The following NFIB variants were observed in gnomAD, a reference collection of about 807,000 sequenced individuals.
NFIB encodes the protein nuclear factor I B.
In NFIB, 11 loss-of-function variants were observed where a neutral mutation model predicts 61.5. The observed-to-expected ratio is 0.18, with a 90% CI of 0.11 to 0.30. The LOEUF (loss-of-function observed/expected upper bound fraction) is 0.30, where lower values mean the gene tolerates loss of function less well. Ranked by LOEUF, NFIB falls within the 10% of genes least tolerant of loss-of-function variation. The pLI is 1.00. For missense variants in NFIB, 471 were observed against 608.9 expected, an observed-to-expected ratio of 0.77 and a Z score of 2.38; for synonymous variants, 260 against 216.5, an observed-to-expected ratio of 1.20 and a Z score of -1.76.
intron 2 of NFIB, among the ~76,000 whole-genome samples, chr9:14,181,453 C>CT (rs2046765667): frequency 6.6e-6 from 1 of 152,154 alleles, no homozygotes; most frequent in Non-Finnish European, 1.5e-5. Context: ...ATGAAGTCCT[C>CT]TTATTACTTT....
chr9:14,205,805 C>T (rs530764122), intron 2 of NFIB, among the ~76,000 whole-genome samples: 17 of 152,300 alleles, frequency 1.1e-4, no homozygotes, highest in African/African-American at 4.1e-4. Context: ...TGTCCACACA[C>T]TCAGCAGAGC....
At chr9:14,375,221 A>G (rs2061404023) in intron 1 of NFIB, among the ~76,000 whole-genome samples, 1 of 152,170 alleles carries the variant, frequency 6.6e-6, no homozygotes, top group African/African-American at 2.4e-5. Context: ...GGCTCTTTCT[A>G]TCTCTCTGCT....
chr9:14,101,697 C>T (rs1052188591), intron 10 of NFIB, among the ~76,000 whole-genome samples: 2 of 152,270 alleles, frequency 1.3e-5, no homozygotes, highest in Middle Eastern at 3.4e-3. Context: ...ATAAATAATA[C>T]ATAAGCGCAG....
the NFIB span, among the ~76,000 whole-genome samples, chr9:14,455,223 G>C: frequency 5.9e-5 from 9 of 152,210 alleles, no homozygotes; most frequent in Admixed American, 3.3e-4. Flanking sequence ...GTAAAAATCT[G>C]AGTGTGTATC....
At chr9:14,096,921 A>T (rs1156796178) in intron 10 of NFIB, among the ~76,000 whole-genome samples, 1 of 152,174 alleles carries the variant, frequency 6.6e-6, no homozygotes, top group African/African-American at 2.4e-5. Context: ...TTAATTTCTT[A>T]GGAAGTGTTC....
At position 14,162,918 on chromosome 9, in the gene NFIB, C is replaced by A. The variant is rs559939862; in HGVS notation, c.617-7025G>T. On this transcript the variant is annotated intron_variant, in intron 3 of 10. Coordinates refer to ENST00000380953, the MANE Select transcript of NFIB (RefSeq NM_001190737.2). ...TAAAATTAAATGTATGCCCTCTTAT[C>A]TTTTTAATGGATGTGGAAGGTATGC... Among the ~76,000 whole-genome samples the A allele has an allele frequency of 2.0e-4, 31 of 151,978 alleles. No homozygotes were observed. The South Asian group carries it at 6.2e-3, about 31-fold the overall frequency.
At chr9:14,406,392 C>G in the NFIB span, among the ~76,000 whole-genome samples, 1 of 152,284 alleles carries the variant, frequency 6.6e-6, no homozygotes, top group South Asian at 2.1e-4. Context: ...GGTAATTGTC[C>G]TTCTACTTAC....
chr9:14,412,926 G>T, the NFIB span, among the ~76,000 whole-genome samples: 3 of 152,066 alleles, frequency 2.0e-5, no homozygotes, highest in African/African-American at 4.8e-5. Flanking sequence ...CACTAGGAAG[G>T]GCGCCTCCAC....
chr9:14,091,368 C>T (rs2033877028), intron 10 of NFIB, among the ~76,000 whole-genome samples: 1 of 151,874 alleles, frequency 6.6e-6, no homozygotes, highest in Non-Finnish European at 1.5e-5. Context: ...TCTAAAATTG[C>T]ATACTTACTC....
intron 2 of NFIB, among the ~76,000 whole-genome samples, chr9:14,255,744 A>T (rs2056158358): frequency 6.6e-6 from 1 of 152,240 alleles, no homozygotes; most frequent in Admixed American, 6.5e-5. Context: ...CCTTTTAACA[A>T]TCCAGCTCAC....
intron 3 of NFIB, among the ~76,000 whole-genome samples, chr9:14,158,387 A>C (rs1377221779): frequency 6.6e-6 from 1 of 152,170 alleles, no homozygotes; most frequent in Non-Finnish European, 1.5e-5. Context: ...CCCAGCCAGA[A>C]ATCTCCTTCC....
chr9:14,427,956 T>TTTTGTTTTTTG, the NFIB span, among the ~76,000 whole-genome samples: 4 of 115,878 alleles, frequency 3.5e-5, no homozygotes, highest in African/African-American at 9.7e-5. Context: ...TTTTTTTTTT[T>TTTTGTTTTTTG]TTTTTTTTGG....
chr9:14,219,919 A>G (rs1587705650), intron 2 of NFIB, among the ~76,000 whole-genome samples: 1 of 152,224 alleles, frequency 6.6e-6, no homozygotes, highest in Non-Finnish European at 1.5e-5. Flanking sequence ...CTTATAACAA[A>G]GCTTCCATCC....
chr9:14,125,127 T>A (rs2039460034), intron 7 of NFIB, among the ~76,000 whole-genome samples: 1 of 152,038 alleles, frequency 6.6e-6, no homozygotes, highest in Non-Finnish European at 1.5e-5. Context: ...ACACATATTA[T>A]AAATATTATT....
intron 2 of NFIB, among the ~76,000 whole-genome samples, chr9:14,238,533 C>A (rs1440125170): frequency 6.6e-6 from 1 of 152,162 alleles, no homozygotes; most frequent in African/African-American, 2.4e-5. Flanking sequence ...AACATTTTCA[C>A]ATTGGTTGTT....
chr9:14,272,283 T>C, intron 2 of NFIB, among the ~76,000 whole-genome samples: 1 of 152,180 alleles, frequency 6.6e-6, no homozygotes, highest in East Asian at 1.9e-4. Context: ...TTTGTCGTAA[T>C]TTTAAAATGC....
chr9:14,282,436 T>C (rs546710379), intron 2 of NFIB, among the ~76,000 whole-genome samples: 3 of 152,260 alleles, frequency 2.0e-5, no homozygotes, highest in Non-Finnish European at 2.9e-5. Context: ...TCAGTAACAG[T>C]AGAGATGTGA....
At chr9:14,251,001 T>G (rs1377914567) in intron 2 of NFIB, among the ~76,000 whole-genome samples, 1 of 152,236 alleles carries the variant, frequency 6.6e-6, no homozygotes, top group Non-Finnish European at 1.5e-5. Flanking sequence ...CAGAGACTTT[T>G]CTTAGGTGAT....
At chr9:14,504,906 T>A in the NFIB span, among the ~76,000 whole-genome samples, 5 of 152,208 alleles carry the variant, frequency 3.3e-5, no homozygotes, top group Non-Finnish European at 5.9e-5. Flanking sequence ...CCTTGTTGTG[T>A]TCCAGTTCTC....
Sources: gnomAD v4.1 joint callset for allele counts (sites outside exome capture counted in the v4.1 genomes callset) on GRCh38, gnomAD v4.1.1 for gene constraint, MANE v1.5 for transcripts, NCBI Gene and HGNC (gene_info 2026-07-23, HGNC 2026-07-21) for gene names.